Variants in THBS4 observed in about 807,000 individuals in gnomAD.
THBS4 encodes the protein thrombospondin 4.
THBS4 carries 90 observed loss-of-function variants against 115.7 expected under a neutral mutation model. The ratio of observed to expected loss-of-function variants is 0.78; its 90% CI spans 0.66 to 0.93. THBS4 has a LOEUF of 0.93. Ranked by LOEUF, THBS4 falls within the 40% of genes least tolerant of loss-of-function variation. THBS4 has a pLI of 0.00. For synonymous variants in THBS4, 460 were observed against 479.3 expected (o/e 0.96, Z 0.53); for missense variants, 1,087 against 1,232.7 (o/e 0.88, Z 1.77).
chr5:80,061,666 C>G, intron 7 of THBS4, 29 bp from the exon 8 acceptor site: 1 of 1,583,800 alleles, frequency 6.3e-7, no homozygotes. Flanking sequence ...CTCGGTGTGG[C>G]TAAAGACTTT....
intron 2 of THBS4, chr5:79,998,465 A>T (rs577349046): frequency 2.0e-4 from 32 of 158,194 alleles, no homozygotes; most frequent in Non-Finnish European, 3.7e-4. Flanking sequence ...TAAATTACCC[A>T]GTTTCAGGTA....
intron 2 of THBS4, chr5:80,019,460 A>T (rs1408009137): frequency 6.6e-6 from 1 of 152,246 alleles, no homozygotes; most frequent in African/African-American, 2.4e-5. Flanking sequence ...TTATGGAATT[A>T]TCATTACTTT....
At chr5:80,039,554 G>A (rs925651587) in intron 1 of THBS4, among the ~76,000 whole-genome samples, 4 of 152,168 alleles carry the variant, frequency 2.6e-5, no homozygotes, top group Non-Finnish European at 5.9e-5. Flanking sequence ...TCACAAAGGT[G>A]GCAAATCACT....
chr5:80,040,238 A>G lies in THBS4; in HGVS notation c.250A>G (p.Ser84Gly). Residue 84 changes from serine to glycine, a missense_variant, in exon 2 of 22, where the codon AGT (serine) becomes GGT (glycine). Ser to Gly is a moderately conservative substitution (Grantham distance 56). This residue lies in a region of THBS4 where 979 missense variants were observed against 1,103.7 expected (regional missense o/e 0.89). Coordinates refer to ENST00000350881, the MANE Select transcript of THBS4 (RefSeq NM_003248.6). ...IFGLYSSTDN[S>G]KYFEFTVMGR... ...CGGTCTTTACTCTTCAACTGACAACAGTAAATATTTTGAATTTACTGTGAT... is the reference window on the plus strand; with the variant it reads ...CGGTCTTTACTCTTCAACTGACAACGGTAAATATTTTGAATTTACTGTGAT... The G allele has an allele frequency of 6.2e-7, 1 of 1,614,104 alleles. No individual in the cohort carries two copies. Among genetic ancestry groups the G allele is most frequent in the South Asian group, 1.1e-5 (1 of 91,076 alleles).
At chr5:80,044,368 A>G (rs1434705852) in intron 2 of THBS4, among the ~76,000 whole-genome samples, 3 of 152,182 alleles carry the variant, frequency 2.0e-5, no homozygotes, top group Admixed American at 6.5e-5. Context: ...GACATACACC[A>G]TTGTGAAATT....
chr5:80,057,141 C>G (rs1025534916), intron 3 of THBS4, among the ~76,000 whole-genome samples: 8 of 152,152 alleles, frequency 5.3e-5, no homozygotes, highest in Non-Finnish European at 7.3e-5. Flanking sequence ...ATGCTAAACT[C>G]TCTTTCTGCA....
Position 80,035,558 on chromosome 5 carries a change from C to T in THBS4, c.21C>T (p.Ala7=), listed in dbSNP as rs1247513733. 2.8e-6 allele frequency: 4 copies of T among 1,421,902 alleles called. No individual in the cohort carries two copies. The highest frequency in any genetic ancestry group is 3.7e-6 in the Non-Finnish European group (4 of 1,087,382). 88.1% of individuals were successfully genotyped at this position (1,421,902 alleles called of 1,614,324 possible). A position where few individuals can be genotyped will look rare whatever the true frequency, so the allele number is the denominator to read the frequency against. Residue 7 remains alanine (A), a synonymous_variant, in exon 1 of 22, where the codon GCC becomes GCT. Transcript: ENST00000350881. This position sits in a 1 kb window ranked among gnomAD's most constrained non-coding sequence, Gnocchi z 4.6. ...CCAACATGCTGGCCCCGCGCGGAGCCGCCGTCCTCCTGCTGCACCTGGTCC... is the reference window on the plus strand; with the variant it reads ...CCAACATGCTGGCCCCGCGCGGAGCTGCCGTCCTCCTGCTGCACCTGGTCC... The part of the protein sequence containing the change: MLAPRG[A]AVLLLHLVLQ...
chr5:80,001,467 G>A (rs994233903), intron 2 of THBS4, among the ~76,000 whole-genome samples: 3 of 152,196 alleles, frequency 2.0e-5, no homozygotes, highest in Admixed American at 6.5e-5. Flanking sequence ...ACTGAATGGC[G>A]TACATGGAGG....
intron 2 of THBS4, among the ~76,000 whole-genome samples, chr5:80,024,966 A>G (rs1045038612): frequency 6.6e-6 from 1 of 152,150 alleles, no homozygotes; most frequent in Non-Finnish European, 1.5e-5. Flanking sequence ...AGGTTGTTCA[A>G]TCTCCCTGAC....
intron 2 of THBS4, among the ~76,000 whole-genome samples, chr5:80,016,137 A>G (rs1031230678): frequency 1.3e-5 from 2 of 152,148 alleles, no homozygotes; most frequent in African/African-American, 4.8e-5. Context: ...CACATTCCCA[A>G]ACCTCAATGA....
At chr5:80,056,956 T>C (rs1580957054) in intron 3 of THBS4, among the ~76,000 whole-genome samples, 1 of 152,188 alleles carries the variant, frequency 6.6e-6, no homozygotes, top group South Asian at 2.1e-4. Context: ...TAGATAGTAA[T>C]ATAAAAACTA....
At position 80,079,199 on chromosome 5, in the gene THBS4, C is replaced by A. The variant is rs1418263547; in HGVS notation, c.2452C>A (p.Gln818Lys). Residue 818 changes from glutamine (Q) to lysine (K), a missense_variant, in exon 19 of 22, where the codon CAG (glutamine) becomes AAG (lysine). Physicochemically the swap from Gln to Lys is moderately conservative, Grantham distance 53 (BLOSUM62 1). Coordinates refer to ENST00000350881, the MANE Select transcript of THBS4 (RefSeq NM_003248.6). ...CGTGGTCATGTGGAAGCAGACGGAG[C>A]AGACATATTGGCAAGCCACCCCATT... ...FYVVMWKQTE[Q>K]TYWQATPFRA... 1.2e-6 allele frequency: 2 copies of A among 1,614,170 alleles called. No individual in the cohort carries two copies. The highest frequency in any genetic ancestry group is 1.7e-5 in the Admixed American group (1 of 60,020).
intron 15 of THBS4, 126 bp from the exon 16 acceptor site, chr5:80,076,729 G>C: frequency 1.0e-6 from 1 of 952,462 alleles, no homozygotes; most frequent in Non-Finnish European, 1.5e-6. Context: ...TGACCCCAGT[G>C]GGTTTGATTT....
chr5:80,045,529 G>A (rs1050027615), intron 2 of THBS4, among the ~76,000 whole-genome samples: 2 of 148,282 alleles, frequency 1.3e-5, no homozygotes, highest in Non-Finnish European at 3.0e-5. Context: ...TATTTATGGA[G>A]TCTTTTTTTT....
Position 80,007,610 on chromosome 5 carries a change from G to A in THBS4, n.177+9183G>A, listed in dbSNP as rs1054691172. ...TCACTCAAGTTCTACCTCAAGGCTC[G>A]CACTCTGTCAAGTGATGTACTTCTT... On this transcript the variant is annotated intron_variant and non_coding_transcript_variant, in intron 2 of 3. Transcript: ENST00000510218. Among the ~76,000 whole-genome samples, 6 of 152,260 alleles carry A rather than the reference G, an allele frequency of 3.9e-5. No individual in the cohort carries two copies. In the South Asian group the frequency reaches 6.2e-4, roughly 16 times the overall value.
intron 2 of THBS4, among the ~76,000 whole-genome samples, chr5:80,011,864 G>A (rs184827927): frequency 3.4e-5 from 5 of 147,596 alleles, no homozygotes; most frequent in African/African-American, 5.1e-5. Flanking sequence ...GCTGAGAAAC[G>A]ATTCTGTTTC....
intron 2 of THBS4, among the ~76,000 whole-genome samples, chr5:79,999,127 T>C (rs561532175): frequency 6.6e-6 from 1 of 152,296 alleles, no homozygotes; most frequent in South Asian, 2.1e-4. Flanking sequence ...TTCAAAGTTT[T>C]CTTTAAGAAA....
At chr5:80,014,128 G>C (rs981978343) in intron 2 of THBS4, among the ~76,000 whole-genome samples, 1 of 151,548 alleles carries the variant, frequency 6.6e-6, no homozygotes, top group Non-Finnish European at 1.5e-5. Context: ...TTGGGATACA[G>C]CACAGTGTTG....
chr5:80,057,341 C>T (rs1354626998), intron 3 of THBS4, among the ~76,000 whole-genome samples: 1 of 152,190 alleles, frequency 6.6e-6, no homozygotes, highest in Non-Finnish European at 1.5e-5. Context: ...GTAGTGATCA[C>T]AGTGGCTCAG....
Sources: gnomAD v4.1 joint callset for allele counts (sites outside exome capture counted in the v4.1 genomes callset) on GRCh38, gnomAD v4.1.1 for gene constraint, gnomAD v4.1.1 regional missense constraint, Gnocchi (gnomAD v3.1) non-coding constraint, MANE v1.5 for transcripts, NCBI Gene and HGNC (gene_info 2026-07-23, HGNC 2026-07-21) for gene names.